The following RBFOX1 variants were observed in gnomAD, a reference collection of about 807,000 sequenced individuals.
RBFOX1 encodes the protein RNA binding protein fox-1 homolog 1.
RBFOX1 carries 8 observed loss-of-function variants against 57.7 expected under a neutral mutation model. That is an observed-to-expected ratio of 0.14 (90% CI 0.08 to 0.25). RBFOX1 has a LOEUF of 0.25. RBFOX1 is among the 10% of genes least tolerant of loss of function. The probability of loss-of-function intolerance (pLI) is 1.00; values close to 1 mark genes in which losing one functional copy is unlikely to be tolerated. For missense variants in RBFOX1, 611 were observed against 548.5 expected (o/e 1.11, Z -1.14); for synonymous variants, 326 against 222.4 (o/e 1.47, Z -4.15).
chr16:7,685,931 A>T (rs960924853), intron 14 of RBFOX1, among the ~76,000 whole-genome samples: 2 of 152,032 alleles, frequency 1.3e-5, no homozygotes, highest in Non-Finnish European at 2.9e-5. Flanking sequence ...TGAGATTTAC[A>T]CGTGGGTCCT....
chr16:6,823,299 G>A (rs567340836), intron 3 of RBFOX1, among the ~76,000 whole-genome samples: 23 of 149,718 alleles, frequency 1.5e-4, no homozygotes, highest in South Asian at 6.4e-4. Flanking sequence ...CTCTGTCACC[G>A]TGGCTGGAGT....
chr16:7,592,143 C>G (rs887430351), intron 7 of RBFOX1, among the ~76,000 whole-genome samples: 1 of 152,110 alleles, frequency 6.6e-6, no homozygotes, highest in East Asian at 1.9e-4. Flanking sequence ...CTGCACCGAA[C>G]TTTGTCAAAT....
intron 4 of RBFOX1, among the ~76,000 whole-genome samples, chr16:5,943,489 G>T (rs927588124): frequency 1.5e-4 from 23 of 152,184 alleles, no homozygotes; most frequent in African/African-American, 5.1e-4. Flanking sequence ...AGACCACAGG[G>T]TTAACTGAAA....
chr16:6,568,494 C>G (rs940160767), intron 2 of RBFOX1, among the ~76,000 whole-genome samples: 1 of 152,114 alleles, frequency 6.6e-6, no homozygotes, highest in Non-Finnish European at 1.5e-5. Context: ...TCTTTTATAA[C>G]CCAACCTCAG....
chr16:7,295,456 A>C (rs568817243), intron 4 of RBFOX1, among the ~76,000 whole-genome samples: 1 of 152,250 alleles, frequency 6.6e-6, no homozygotes, highest in Non-Finnish European at 1.5e-5. Flanking sequence ...GTTGCTAGAT[A>C]ATGGGCACCA....
At chr16:5,719,771 T>C (rs1391082467) in intron 3 of RBFOX1, among the ~76,000 whole-genome samples, 1 of 152,208 alleles carries the variant, frequency 6.6e-6, no homozygotes. Flanking sequence ...AATAATCCAT[T>C]GTATGGATAG....
At chr16:6,184,389 C>T (rs2097091305) in intron 1 of RBFOX1, among the ~76,000 whole-genome samples, 1 of 152,088 alleles carries the variant, frequency 6.6e-6, no homozygotes, top group South Asian at 2.1e-4. Context: ...GGAGACATTA[C>T]ACTCATGGGG....
At chr16:6,211,292 G>A (rs544757864) in intron 1 of RBFOX1, among the ~76,000 whole-genome samples, 1 of 144,390 alleles carries the variant, frequency 6.9e-6, no homozygotes, top group Non-Finnish European at 1.5e-5. Flanking sequence ...GCAGTGGCAC[G>A]ATCTCCGCTC....
chr16:6,697,900 C>T (rs1228996259), intron 3 of RBFOX1, among the ~76,000 whole-genome samples: 1 of 152,112 alleles, frequency 6.6e-6, no homozygotes, highest in Admixed American at 6.5e-5. Context: ...TAGGATGTGG[C>T]CAGAAGACCA....
chr16:7,272,714 A>G (rs2095348926), intron 4 of RBFOX1, among the ~76,000 whole-genome samples: 1 of 152,088 alleles, frequency 6.6e-6, no homozygotes, highest in South Asian at 2.1e-4. Flanking sequence ...AGAGGAAGGG[A>G]GGAAACAGAC....
chr16:6,355,711 C>A (rs1217137654), intron 2 of RBFOX1, among the ~76,000 whole-genome samples: 1 of 152,226 alleles, frequency 6.6e-6, no homozygotes, highest in African/African-American at 2.4e-5. Context: ...AATCACCACA[C>A]TGTCTTCCAC....
At chr16:6,577,723 G>C (rs922488430) in intron 2 of RBFOX1, among the ~76,000 whole-genome samples, 1 of 152,154 alleles carries the variant, frequency 6.6e-6, no homozygotes, top group Non-Finnish European at 1.5e-5. Context: ...CAAGTGCTTT[G>C]ACAAGGAAGT....
At chr16:6,562,840 C>CTTTCTTTA (rs1463692749) in intron 2 of RBFOX1, among the ~76,000 whole-genome samples, 2 of 35,718 alleles carry the variant, frequency 5.6e-5, no homozygotes, top group African/African-American at 2.0e-4. Flanking sequence ...TCTTTTCTTT[C>CTTTCTTTA]TTTCTTTCTT....
chr16:6,682,756 T>G (rs991672389), intron 3 of RBFOX1, among the ~76,000 whole-genome samples: 1 of 151,618 alleles, frequency 6.6e-6, no homozygotes, highest in African/African-American at 2.4e-5. Context: ...TACCAGTAGA[T>G]TCATACTAAA....
intron 3 of RBFOX1, among the ~76,000 whole-genome samples, chr16:6,922,758 C>T (rs576525313): frequency 2.8e-4 from 43 of 152,218 alleles, no homozygotes; most frequent in African/African-American, 8.9e-4. Context: ...CAGTAATTTC[C>T]TTATTGTATG....
intron 13 of RBFOX1, among the ~76,000 whole-genome samples, chr16:7,673,715 T>A (rs2072354121): frequency 6.6e-6 from 1 of 152,220 alleles, no homozygotes; most frequent in Non-Finnish European, 1.5e-5. Context: ...AGATGCACAA[T>A]GACAATTTGA....
intron 4 of RBFOX1, among the ~76,000 whole-genome samples, chr16:7,275,502 A>G (rs76967447): frequency 0.011 from 1,679 of 152,316 alleles, 28 homozygotes; most frequent in African/African-American, 0.038. Flanking sequence ...GCCTGCATAT[A>G]TGTGCTTCCA....
At chr16:6,850,291 C>G (rs759640882) in intron 3 of RBFOX1, among the ~76,000 whole-genome samples, 1 of 152,082 alleles carries the variant, frequency 6.6e-6, no homozygotes, top group African/African-American at 2.4e-5. Context: ...TGCATACTTA[C>G]AAATATTGAC....
intron 2 of RBFOX1, among the ~76,000 whole-genome samples, chr16:5,540,693 C>T (rs770936016): frequency 5.9e-5 from 9 of 152,258 alleles, no homozygotes; most frequent in Admixed American, 1.3e-4. Flanking sequence ...CTGGCACTGA[C>T]ATCACGGACT....
Sources: allele counts gnomAD v4.1 joint callset (sites outside exome capture counted in the v4.1 genomes callset), GRCh38; gene constraint gnomAD v4.1.1; transcripts MANE v1.5; gene names NCBI Gene and HGNC (gene_info 2026-07-23, HGNC 2026-07-21).